ATXN1: variants seen among roughly 807,000 people sequenced by gnomAD.
The protein encoded by ATXN1 is ataxin-1.
Under a neutral mutation model 56.4 loss-of-function variants are expected in ATXN1, and 8 were observed. The ratio of observed to expected loss-of-function variants is 0.14; its 90% confidence interval spans 0.08 to 0.26. ATXN1 has a LOEUF of 0.26. ATXN1 is among the 10% of genes least tolerant of loss of function. The probability of loss-of-function intolerance (pLI) is 1.00; values close to 1 mark genes in which losing one functional copy is unlikely to be tolerated. For missense variants in ATXN1, 987 were observed against 1,106.5 expected (o/e 0.89, Z 1.53); for synonymous variants, 514 against 494.6 (o/e 1.04, Z -0.52).
chr6:16,719,060 A>G (rs1398898086), intron 2 of ATXN1, among the ~76,000 whole-genome samples: 2 of 152,212 alleles, frequency 1.3e-5, no homozygotes, highest in African/African-American at 4.8e-5. Context: ...GCAGAGTGCC[A>G]TGCACACAAT....
At chr6:16,660,764 A>G (rs1034152194) in intron 2 of ATXN1, among the ~76,000 whole-genome samples, 2 of 152,062 alleles carry the variant, frequency 1.3e-5, no homozygotes, top group Non-Finnish European at 2.9e-5. Context: ...CACAGATTGC[A>G]TAATAAGAGA....
chr6:16,401,595 CT>C (rs1758571820), intron 6 of ATXN1, among the ~76,000 whole-genome samples: 1 of 151,966 alleles, frequency 6.6e-6, no homozygotes, highest in Admixed American at 6.6e-5. Context: ...ACAAAAACAA[CT>C]TTGGCAGATT....
At position 16,327,933 on chromosome 6, in the gene ATXN1, G is replaced by A; in HGVS notation, c.378C>T (p.Thr126=). 3 of 1,611,638 alleles carry A rather than the reference G, an allele frequency of 1.9e-6. No individual in the cohort carries two copies. Among genetic ancestry groups the A allele is most frequent in the Non-Finnish European group, 2.5e-6 (3 of 1,179,940 alleles). ...SPVQYAHLPH[T]FQFIGSSQYS... ...ATTGGGAGGACCCAATGAACTGGAA[G>A]GTGTGCGGCAGGTGAGCGTACTGCA... Residue 126 remains threonine, a synonymous_variant, in exon 7 of 8, where the codon ACC becomes ACT. Coordinates refer to ENST00000436367, the MANE Select transcript of ATXN1 (RefSeq NM_001128164.2).
At chr6:16,553,311 AC>A (rs1190957820) in intron 4 of ATXN1, among the ~76,000 whole-genome samples, 1 of 151,982 alleles carries the variant, frequency 6.6e-6, no homozygotes. Context: ...GCGTTATTTC[AC>A]CCCAAACCTC....
Position 16,306,279 on chromosome 6 carries a change from T to C in ATXN1, c.*50A>G, listed in dbSNP as rs1760245465. 6.5e-7 allele frequency: 1 copy of C among 1,536,684 alleles called. No homozygotes were observed. The highest frequency in any genetic ancestry group is 8.7e-7 in the Non-Finnish European group (1 of 1,147,088). On this transcript the variant is annotated 3_prime_UTR_variant, in exon 8 of 8. Transcript: ENST00000436367. The surrounding 1 kb of genome is among the most constrained non-coding windows in gnomAD (Gnocchi z 5.2). ...TATTTTAGCCTACAGTACAGTAATC[T>C]GGATACAAATGATAAGGGAGAGCCA...
chr6:16,585,919 A>G lies in ATXN1; in HGVS notation c.-488-12T>C, dbSNP rs1220421527. 6.6e-6 allele frequency: 1 copy of G among 152,184 alleles called. No individual in the cohort carries two copies. Among genetic ancestry groups the G allele is most frequent in the Non-Finnish European group, 1.5e-5 (1 of 68,040 alleles). The allele number at this position is 152,184 out of a possible 1,614,324, so 9.4% of individuals were successfully genotyped here. A position where few individuals can be genotyped will look rare whatever the true frequency, so the allele number is the denominator to read the frequency against. ...TAAAACGCCTAGACCTGTAATTATA[A>G]AAACAATATTCTCACTGAGTTAGGC... is the stretch of plus-strand genomic sequence containing the variant. On this transcript the variant is annotated splice_polypyrimidine_tract_variant and intron_variant, in intron 3 of 7. Transcript: ENST00000436367.
At chr6:16,679,368 GTGGGTGGATGGATGGA>G (rs1447139324) in intron 2 of ATXN1, among the ~76,000 whole-genome samples, 1 of 107,334 alleles carries the variant, frequency 9.3e-6, no homozygotes, top group Non-Finnish European at 1.9e-5. Context: ...GGATAGGTGG[GTGGGTGGATGGATGGA>G]TGGATGGATG....
chr6:16,601,082 C>A (rs1762903207), intron 3 of ATXN1, among the ~76,000 whole-genome samples: 1 of 152,170 alleles, frequency 6.6e-6, no homozygotes, highest in Admixed American at 6.5e-5. Context: ...AAACGAAGGA[C>A]CCCACCATCA....
intron 6 of ATXN1, among the ~76,000 whole-genome samples, chr6:16,347,940 T>C (rs565262701): frequency 2.8e-4 from 42 of 152,338 alleles, no homozygotes; most frequent in African/African-American, 9.6e-4. Context: ...ATACTGCCTG[T>C]ATGAGCTATA....
At chr6:16,614,860 T>C (rs770747242) in intron 3 of ATXN1, 1 of 151,218 alleles carries the variant, frequency 6.6e-6, no homozygotes, top group Admixed American at 6.6e-5. Context: ...GAGGCAGAGG[T>C]TGCAATGAGC....
At chr6:16,432,977 T>A (rs1759315719) in intron 6 of ATXN1, 1 of 152,208 alleles carries the variant, frequency 6.6e-6, no homozygotes, top group Non-Finnish European at 1.5e-5. Flanking sequence ...ACAGCAATAA[T>A]TCTGCTTGAA....
chr6:16,500,555 T>C (rs934662984), intron 5 of ATXN1, among the ~76,000 whole-genome samples: 3 of 151,940 alleles, frequency 2.0e-5, no homozygotes, highest in Admixed American at 6.6e-5. Context: ...TGTATGCATG[T>C]GGGTGTGTGA....
chr6:16,748,776 T>C (rs1341910666), intron 2 of ATXN1, among the ~76,000 whole-genome samples: 8 of 152,162 alleles, frequency 5.3e-5, no homozygotes, highest in Admixed American at 5.2e-4. Flanking sequence ...TTGATGAAAG[T>C]TAAATAAGTC....
intron 5 of ATXN1, among the ~76,000 whole-genome samples, chr6:16,515,458 G>A (rs774400009): frequency 2.0e-5 from 3 of 152,110 alleles, no homozygotes; most frequent in Non-Finnish European, 4.4e-5. Context: ...GAAGCACCGT[G>A]TCCTGGGAAT....
At chr6:16,739,698 T>A (rs920575860) in intron 2 of ATXN1, 2 of 425,680 alleles carry the variant, frequency 4.7e-6, no homozygotes, top group Non-Finnish European at 9.8e-6. Flanking sequence ...GACGTCAGAC[T>A]ATGGGACAGC....
In ATXN1 at chr6:16,442,987, G is replaced by A. The variant is rs147207993; in HGVS notation, c.-161+42985C>T. The stretch of plus-strand genomic sequence containing the variant: ...AGATGGTGCCACTGCTCTCCAGCCC[G>A]GGTGACAGAGCAAGGCTTGGTCTGG... On this transcript the variant is annotated intron_variant, in intron 6 of 7. Coordinates refer to ENST00000436367, the MANE Select transcript of ATXN1 (RefSeq NM_001128164.2). Among the ~76,000 whole-genome samples the A allele has an allele frequency of 5.1e-3, 774 of 151,988 alleles. 5 individuals carry two copies. Among genetic ancestry groups the A allele is most frequent in the African/African-American group, 0.014 (589 of 41,436 alleles).
At chr6:16,713,692 G>A (rs2113458259) in intron 2 of ATXN1, among the ~76,000 whole-genome samples, 1 of 152,234 alleles carries the variant, frequency 6.6e-6, no homozygotes, top group Non-Finnish European at 1.5e-5. Flanking sequence ...GTGGTCCTGG[G>A]GCCAGCAGCA....
At chr6:16,484,034 A>G (rs889284104) in intron 6 of ATXN1, among the ~76,000 whole-genome samples, 2 of 152,226 alleles carry the variant, frequency 1.3e-5, no homozygotes, top group Non-Finnish European at 2.9e-5. Context: ...ATAGTGACAG[A>G]AACTTTTACA....
chr6:16,418,143 T>G (rs146937752), intron 6 of ATXN1, among the ~76,000 whole-genome samples: 1 of 152,252 alleles, frequency 6.6e-6, no homozygotes, highest in Admixed American at 6.5e-5. Flanking sequence ...TGGCACATAA[T>G]AGGTGCTTAA....
Sources: allele counts gnomAD v4.1 joint callset (sites outside exome capture counted in the v4.1 genomes callset), GRCh38; gene constraint gnomAD v4.1.1; non-coding constraint Gnocchi (gnomAD v3.1); transcripts MANE v1.5; gene names NCBI Gene and HGNC (gene_info 2026-07-23, HGNC 2026-07-21).